ACACA: variants seen among roughly 807,000 people sequenced by gnomAD.
ACACA encodes acetyl-CoA carboxylase alpha.
A neutral mutation model predicts 296.1 loss-of-function variants in ACACA; 103 were observed. That is an observed-to-expected ratio of 0.35 (90% CI 0.30 to 0.41). ACACA has a LOEUF of 0.41. ACACA is among the 10% of genes least tolerant of loss of function. The pLI, the probability that ACACA is intolerant of heterozygous loss-of-function variation, is 1.00. For synonymous variants in ACACA, 953 were observed against 1,038.6 expected (o/e 0.92, Z 1.58); for missense variants, 1,554 against 2,989.7 (o/e 0.52, Z 11.20).
At chr17:37,180,858 T>C (rs2077291841) in intron 40 of ACACA, among the ~76,000 whole-genome samples, 1 of 152,202 alleles carries the variant, frequency 6.6e-6, no homozygotes. Flanking sequence ...CAGATCTCCT[T>C]TTTAATATCC....
chr17:37,259,644 T>G, intron 11 of ACACA, 114 bp from the exon 12 acceptor site: 3 of 1,122,830 alleles, frequency 2.7e-6, no homozygotes, highest in Non-Finnish European at 4.0e-6. Context: ...CAAAAGCTTT[T>G]AGCCACATGA....
At chr17:37,274,023 T>C (rs111298192) in intron 9 of ACACA, among the ~76,000 whole-genome samples, 170 bp downstream of exon 9, 2,705 of 152,276 alleles carry the variant, frequency 0.018, 87 homozygotes, top group African/African-American at 0.062. Context: ...GCAAAAGACT[T>C]ATGCAATCTA....
intron 18 of ACACA, 41 bp from the exon 19 acceptor site, chr17:37,247,017 C>A: frequency 6.2e-7 from 1 of 1,610,296 alleles, no homozygotes; most frequent in Non-Finnish European, 8.5e-7. Flanking sequence ...GAAAGCACCT[C>A]AGGATGTAAA....
intron 11 of ACACA, among the ~76,000 whole-genome samples, chr17:37,260,064 T>C (rs1032630228): frequency 1.5e-4 from 22 of 150,162 alleles, no homozygotes; most frequent in African/African-American, 5.4e-4. Context: ...GTATTTTTGG[T>C]AGAGATGGGG....
intron 3 of ACACA, chr17:37,328,591 C>T (rs2047724659): frequency 3.7e-6 from 1 of 267,180 alleles, no homozygotes; most frequent in African/African-American, 2.2e-5. Flanking sequence ...TGCCTAGTCT[C>T]TCAGAAGCCC....
At chr17:37,150,457 A>C (rs1363078654) in intron 44 of ACACA, among the ~76,000 whole-genome samples, 1 of 151,578 alleles carries the variant, frequency 6.6e-6, no homozygotes, top group Non-Finnish European at 1.5e-5. Flanking sequence ...CAGGAAAACC[A>C]CTTGAACCCA....
chr17:37,247,759 T>G, intron 18 of ACACA: 1 of 560,466 alleles, frequency 1.8e-6, no homozygotes, highest in South Asian at 2.1e-5. Context: ...TAAGAAACTT[T>G]TAACAATGGT....
intron 3 of ACACA, 34 bp downstream of exon 3, chr17:37,330,139 G>A (rs2047806801): frequency 1.9e-6 from 3 of 1,613,110 alleles, no homozygotes; most frequent in South Asian, 1.1e-5. Flanking sequence ...TAACAAGACA[G>A]ATTAAATAAG....
intron 35 of ACACA, among the ~76,000 whole-genome samples, chr17:37,196,231 C>T (rs2077988975): frequency 6.6e-6 from 1 of 151,700 alleles, no homozygotes; most frequent in South Asian, 2.1e-4. Context: ...AACAAAAATC[C>T]AAACCAACCC....
chr17:37,350,932 G>A (rs1333296513), intron 1 of ACACA, among the ~76,000 whole-genome samples: 2 of 151,272 alleles, frequency 1.3e-5, no homozygotes, highest in African/African-American at 2.4e-5. Flanking sequence ...CGGGAGTTCC[G>A]GACCAGCGTG....
chr17:37,259,628 A>G, intron 11 of ACACA, 98 bp from the exon 12 acceptor site: 1 of 1,322,064 alleles, frequency 7.6e-7, no homozygotes, highest in Non-Finnish European at 1.1e-6. Flanking sequence ...TGTGTATAAG[A>G]GCCATCAAAA....
At chr17:37,394,475 T>C (rs2051006316) in intron 1 of ACACA, among the ~76,000 whole-genome samples, 2 of 151,702 alleles carry the variant, frequency 1.3e-5, no homozygotes, top group Admixed American at 1.3e-4. Context: ...CCTCACAAAG[T>C]GCTGGGGTAA....
chr17:37,352,745 G>T (rs533466138), intron 1 of ACACA, among the ~76,000 whole-genome samples: 1 of 151,724 alleles, frequency 6.6e-6, no homozygotes, highest in East Asian at 1.9e-4. Flanking sequence ...AAAAAGAAAA[G>T]AAATTTCTTC....
intron 33 of ACACA, among the ~76,000 whole-genome samples, chr17:37,202,812 T>C (rs2078326630): frequency 6.6e-6 from 1 of 150,520 alleles, no homozygotes; most frequent in South Asian, 2.1e-4. Flanking sequence ...GCTTAGAGTG[T>C]CAGCACAGTC....
chr17:37,349,719 G>A (rs1414184378), intron 1 of ACACA, among the ~76,000 whole-genome samples: 1 of 151,272 alleles, frequency 6.6e-6, no homozygotes, highest in Non-Finnish European at 1.5e-5. Flanking sequence ...ACTTCACCCA[G>A]CTAGTTTTTT....
chr17:37,087,798 T>C (rs9286331), intron 55 of ACACA, among the ~76,000 whole-genome samples: 48,847 of 152,058 alleles, frequency 0.32, 10,544 homozygotes, highest in African/African-American at 0.6. Flanking sequence ...AATGTATATA[T>C]AAAAGAATCG....
At chr17:37,241,929 G>A in intron 23 of ACACA, 24 bp downstream of exon 23, 1 of 1,583,526 alleles carries the variant, frequency 6.3e-7, no homozygotes, top group Admixed American at 1.7e-5. Context: ...ACAGGTCTGG[G>A]AATCTGGAGT....
At chr17:37,158,400 G>A (rs1467789008) in intron 42 of ACACA, among the ~76,000 whole-genome samples, 1 of 152,144 alleles carries the variant, frequency 6.6e-6, no homozygotes, top group Non-Finnish European at 1.5e-5. Context: ...AGGCCAAGAT[G>A]GGCGGATCAC....
intron 52 of ACACA, among the ~76,000 whole-genome samples, chr17:37,106,899 A>G (rs950435388): frequency 2.0e-5 from 3 of 152,080 alleles, no homozygotes; most frequent in African/African-American, 7.2e-5. Context: ...TTTTATAAAT[A>G]CAATCAGATT....
Sources: gnomAD v4.1 joint callset for allele counts (sites outside exome capture counted in the v4.1 genomes callset) on GRCh38, gnomAD v4.1.1 for gene constraint, MANE v1.5 for transcripts, NCBI Gene and HGNC (gene_info 2026-07-23, HGNC 2026-07-21) for gene names.